GADL1: variants seen among roughly 807,000 people sequenced by gnomAD.
GADL1 encodes the protein acidic amino acid decarboxylase GADL1.
Under a neutral mutation model 69.5 loss-of-function variants are expected in GADL1, and 71 were observed. That is an observed-to-expected ratio of 1.02 (90% confidence interval 0.84 to 1.25). The LOEUF is 1.25. Among genes scored for constraint, GADL1 ranks in the 50% most tolerant of loss-of-function variants. The probability of loss-of-function intolerance (pLI) is 0.00; values close to 1 mark genes in which losing one functional copy is unlikely to be tolerated. For synonymous variants in GADL1, 254 were observed against 214.4 expected (o/e 1.18, Z -1.62); for missense variants, 737 against 631.8 (o/e 1.17, Z -1.79).
intron 1 of GADL1, among the ~76,000 whole-genome samples, chr3:30,885,531 C>G (rs889524547): frequency 6.6e-6 from 1 of 152,012 alleles, no homozygotes; most frequent in Non-Finnish European, 1.5e-5. Flanking sequence ...AAACTCATTA[C>G]AGAAAATACA....
chr3:30,780,537 T>C (rs914932852), intron 13 of GADL1, among the ~76,000 whole-genome samples: 14 of 152,326 alleles, frequency 9.2e-5, no homozygotes, highest in African/African-American at 3.4e-4. Context: ...CTTTCCCACT[T>C]TACCATGCAG....
At chr3:30,882,737 A>G (rs967260468) in intron 1 of GADL1, among the ~76,000 whole-genome samples, 3 of 151,962 alleles carry the variant, frequency 2.0e-5, no homozygotes, top group African/African-American at 7.2e-5. Flanking sequence ...TTTCATTTTA[A>G]TGCTATTTTA....
chr3:30,841,032 T>G (rs922152223), intron 8 of GADL1, among the ~76,000 whole-genome samples: 2 of 152,210 alleles, frequency 1.3e-5, no homozygotes, highest in African/African-American at 4.8e-5. Context: ...CAACAGTTTT[T>G]CAATGGATTG....
At chr3:30,800,067 G>C (rs186974659) in intron 12 of GADL1, 108 of 153,092 alleles carry the variant, frequency 7.1e-4, no homozygotes, top group Non-Finnish European at 4.7e-4. Flanking sequence ...CTGTTACCCA[G>C]TTCCAAAGTC....
intron 9 of GADL1, among the ~76,000 whole-genome samples, chr3:30,838,018 T>C (rs1418427892): frequency 3.3e-5 from 5 of 152,192 alleles, no homozygotes; most frequent in Non-Finnish European, 7.4e-5. Flanking sequence ...CTAGGTGATA[T>C]GATTTGATTG....
intron 14 of GADL1, among the ~76,000 whole-genome samples, chr3:30,776,533 T>A (rs1226219787): frequency 6.6e-6 from 1 of 152,194 alleles, no homozygotes; most frequent in Non-Finnish European, 1.5e-5. Context: ...GGCACAGATA[T>A]AACACCATCC....
intron 2 of GADL1, among the ~76,000 whole-genome samples, chr3:30,859,081 G>A (rs1023677803): frequency 1.6e-4 from 25 of 151,998 alleles, no homozygotes; most frequent in African/African-American, 6.0e-4. Flanking sequence ...GCTTGACTTA[G>A]AGAGGTGGGG....
chr3:30,882,716 AT>A (rs901889173), intron 1 of GADL1, among the ~76,000 whole-genome samples: 14 of 151,882 alleles, frequency 9.2e-5, no homozygotes, highest in Non-Finnish European at 2.1e-4. Flanking sequence ...TTCTATTTCT[AT>A]TTTTTGATTT....
intron 14 of GADL1, among the ~76,000 whole-genome samples, chr3:30,728,907 C>T (rs1327372226): frequency 6.6e-6 from 1 of 152,030 alleles, no homozygotes; most frequent in Non-Finnish European, 1.5e-5. Context: ...TTCCAGTTGT[C>T]TACCAAGAAA....
chr3:30,884,395 C>T (rs1027328901), intron 1 of GADL1, among the ~76,000 whole-genome samples: 2 of 151,898 alleles, frequency 1.3e-5, no homozygotes, highest in South Asian at 2.1e-4. Context: ...CAGCACCTGT[C>T]GAAGGGACAG....
In GADL1 at chr3:30,729,697, T is replaced by A. The variant is rs1215422686; in HGVS notation, c.1393-1282A>T. 2.6e-5 allele frequency among the ~76,000 whole-genome samples: 4 copies of A among 152,256 alleles called. No individual in the cohort carries two copies. The East Asian group carries it at 7.7e-4, about 29-fold the overall frequency. On this transcript the variant is annotated intron_variant, in intron 14 of 14. Transcript: ENST00000282538. ...ATCTGTTCCAAAGCTGATGAAAAAA[T>A]TGGGTGTTTTAGACCTCTGAAGATA...
chr3:30,745,230 C>T (rs1478304122), intron 14 of GADL1, among the ~76,000 whole-genome samples: 1 of 152,174 alleles, frequency 6.6e-6, no homozygotes, highest in Non-Finnish European at 1.5e-5. Context: ...TTAATTCATG[C>T]CAAGTTAATG....
At chr3:30,891,767 A>G (rs1698790832) in intron 1 of GADL1, among the ~76,000 whole-genome samples, 1 of 152,200 alleles carries the variant, frequency 6.6e-6, no homozygotes, top group Non-Finnish European at 1.5e-5. Context: ...GCACCCAGTG[A>G]TGAATTTTGC....
At chr3:30,760,979 T>C (rs201879664) in intron 14 of GADL1, among the ~76,000 whole-genome samples, 3 of 123,660 alleles carry the variant, frequency 2.4e-5, no homozygotes, top group African/African-American at 9.0e-5. Flanking sequence ...CTAATAAATA[T>C]TTACCTAGAC....
In GADL1 at chr3:30,786,380, C is replaced by G. The variant is rs542092421; in HGVS notation, c.1277G>C (p.Arg426Thr). 6.4e-7 allele frequency: 1 copy of G among 1,553,554 alleles called. No homozygotes were observed. The highest frequency in any genetic ancestry group is 8.9e-7 in the Non-Finnish European group (1 of 1,126,490). Residue 426 changes from arginine (R) to threonine (T), a missense_variant, in exon 13 of 15, where the codon AGA becomes ACA. Physicochemically the swap from Arg to Thr is moderately conservative, Grantham distance 71 (BLOSUM62 -1). Coordinates refer to ENST00000282538, the MANE Select transcript of GADL1 (RefSeq NM_207359.3). ...SRYLVDEIKK[R>T]EGFKLLMEPE... Reference sequence around the variant, plus strand: ...TTCCATCAGTAACTTGAATCCTTCTCTTTTCTTGATTTCATCTACTAGGTA... The same window carrying G: ...TTCCATCAGTAACTTGAATCCTTCTGTTTTCTTGATTTCATCTACTAGGTA...
intron 14 of GADL1, among the ~76,000 whole-genome samples, chr3:30,761,109 G>T (rs1020419820): frequency 3.9e-5 from 6 of 152,170 alleles, no homozygotes; most frequent in Non-Finnish European, 8.8e-5. Context: ...TTTAATGAAG[G>T]ATCTCTGAAG....
intron 12 of GADL1, among the ~76,000 whole-genome samples, chr3:30,791,739 A>G (rs922618902): frequency 6.6e-6 from 1 of 152,100 alleles, no homozygotes; most frequent in Non-Finnish European, 1.5e-5. Context: ...CTCAAACGTC[A>G]TCTTGAATTG....
At chr3:30,770,484 C>T (rs1170761725) in intron 14 of GADL1, among the ~76,000 whole-genome samples, 1 of 152,202 alleles carries the variant, frequency 6.6e-6, no homozygotes, top group African/African-American at 2.4e-5. Flanking sequence ...GTGTGCAGAA[C>T]AATAGATGTT....
At chr3:30,747,301 C>T (rs1286400839) in intron 14 of GADL1, among the ~76,000 whole-genome samples, 3 of 152,192 alleles carry the variant, frequency 2.0e-5, no homozygotes, top group Non-Finnish European at 4.4e-5. Flanking sequence ...GGAGCTGCCT[C>T]CAGACCTTAG....
Sources: allele counts gnomAD v4.1 joint callset (sites outside exome capture counted in the v4.1 genomes callset), GRCh38; gene constraint gnomAD v4.1.1; transcripts MANE v1.5; gene names NCBI Gene and HGNC (gene_info 2026-07-23, HGNC 2026-07-21).